The following NDFIP1 variants were observed in gnomAD, a reference collection of about 807,000 sequenced individuals.
NDFIP1 encodes the protein Nedd4 family interacting protein 1.
A neutral mutation model predicts 28.8 loss-of-function variants in NDFIP1; 7 were observed. That is an observed-to-expected ratio of 0.24 (90% confidence interval 0.14 to 0.46). The LOEUF (loss-of-function observed/expected upper bound fraction) is 0.46, where lower values mean the gene tolerates loss of function less well. Among genes scored for constraint, NDFIP1 ranks in the 20% least tolerant of loss-of-function variants. The pLI is 0.99. For missense variants in NDFIP1, 194 were observed against 269.1 expected (o/e 0.72, Z 1.95); for synonymous variants, 92 against 101.0 (o/e 0.91, Z 0.53).
At chr5:142,117,943 A>G (rs758397194) in intron 1 of NDFIP1, among the ~76,000 whole-genome samples, 25 of 152,118 alleles carry the variant, frequency 1.6e-4, no homozygotes, top group Non-Finnish European at 3.2e-4. Context: ...GTTGCTACCC[A>G]GGCTGGCGTC....
chr5:142,148,390 C>T (rs994702669), intron 7 of NDFIP1, among the ~76,000 whole-genome samples: 1 of 152,172 alleles, frequency 6.6e-6, no homozygotes, highest in African/African-American at 2.4e-5. Flanking sequence ...AAGCTGTTAT[C>T]TGTTTTCCTA....
rs56327437 is a variant in NDFIP1, at chr5:142,119,865, A to G, written c.63+10828A>G. ...AATGAATACAATCCTATAAAAATTGAAAGCGCTACAGATAAAACCCAAGTC... is the reference window on the plus strand; with the variant it reads ...AATGAATACAATCCTATAAAAATTGGAAGCGCTACAGATAAAACCCAAGTC... On this transcript the variant is annotated intron_variant, in intron 1 of 7. Coordinates refer to ENST00000253814, the MANE Select transcript of NDFIP1 (RefSeq NM_030571.4). Among the ~76,000 whole-genome samples, 675 of 152,338 alleles carry G rather than the reference A, an allele frequency of 4.4e-3. 7 individuals carry two copies. Among genetic ancestry groups the G allele is most frequent in the African/African-American group, 0.016 (653 of 41,578 alleles).
At chr5:142,144,741 A>C in intron 7 of NDFIP1, 65 bp downstream of exon 7, 1 of 1,048,238 alleles carries the variant, frequency 9.5e-7, no homozygotes, top group Admixed American at 2.1e-5. Flanking sequence ...ATTTCTGTTC[A>C]GTTTTAGAGT....
At chr5:142,124,555 TAGAA>T (rs758284879) in intron 1 of NDFIP1, among the ~76,000 whole-genome samples, 32 of 152,242 alleles carry the variant, frequency 2.1e-4, no homozygotes, top group Non-Finnish European at 4.3e-4. Flanking sequence ...AAATTTTAAA[TAGAA>T]AGCTTTACAA....
At chr5:142,145,187 T>A (rs1757374855) in intron 7 of NDFIP1, among the ~76,000 whole-genome samples, 1 of 152,244 alleles carries the variant, frequency 6.6e-6, no homozygotes, top group Non-Finnish European at 1.5e-5. Flanking sequence ...TCCCCATGGC[T>A]TTCTTCAGGT....
chr5:142,132,951 C>T (rs577789319), intron 3 of NDFIP1, among the ~76,000 whole-genome samples: 1 of 152,204 alleles, frequency 6.6e-6, no homozygotes, highest in African/African-American at 2.4e-5. Context: ...AAATATTCAT[C>T]CAGATTGAGG....
rs745772278 is a variant in NDFIP1 at position 142,148,777 on chromosome 5, A to AAAAAAAAG, written c.*3-2954_*3-2953insAAAAAAAG. Among the ~76,000 whole-genome samples, 40 of 95,990 alleles carry AAAAAAAAG rather than the reference A, an allele frequency of 4.2e-4. 6 individuals are homozygous for AAAAAAAAG. Among genetic ancestry groups the AAAAAAAAG allele is most frequent in the African/African-American group, 1.2e-3 (35 of 28,168 alleles). 63.0% of individuals were successfully genotyped at this position (95,990 alleles called of 152,430 possible). On this transcript the variant is annotated intron_variant, in intron 7 of 7. Transcript: ENST00000253814. ...AAAAAAAAAAAAAAAAAAAAAAAAA[A>AAAAAAAAG]GTATGTGACTGAGGAAGCAGAAGAA...
At chr5:142,146,118 A>G (rs1422500353) in intron 7 of NDFIP1, among the ~76,000 whole-genome samples, 1 of 152,222 alleles carries the variant, frequency 6.6e-6, no homozygotes, top group Non-Finnish European at 1.5e-5. Flanking sequence ...CATGTGTCAG[A>G]TAATATATTA....
At chr5:142,125,778 G>A (rs766320722) in intron 1 of NDFIP1, among the ~76,000 whole-genome samples, 8 of 152,162 alleles carry the variant, frequency 5.3e-5, no homozygotes, top group Admixed American at 4.6e-4. Flanking sequence ...ACTTGTTATT[G>A]TCTGTCTTTT....
chr5:142,117,247 CTTT>C (rs11346871), intron 1 of NDFIP1, among the ~76,000 whole-genome samples: 6 of 134,392 alleles, frequency 4.5e-5, no homozygotes, highest in Non-Finnish European at 4.8e-5. Context: ...TCTTTTTTTG[CTTT>C]TTTTTTTTTT....
Position 142,135,748 on chromosome 5 carries a change from C to T in NDFIP1, c.301C>T (p.Arg101Trp), listed in dbSNP as rs770674685. 8 of 1,613,072 alleles carry T rather than the reference C, an allele frequency of 5.0e-6. No individual in the cohort carries two copies. In the East Asian group the frequency reaches 1.3e-4, roughly 27 times the overall value. The part of the protein sequence containing the change: ...VPGRDEDFVG[R>W]DDFDDADQLR... ...CATTTAGGATGAGGATTTTGTGGGT[C>T]GGGATGATTTTGATGATGCTGACCA... Residue 101 changes from arginine to tryptophan, a missense_variant, in exon 4 of 8, where the codon CGG (arginine) becomes TGG (tryptophan). Coordinates refer to ENST00000253814, the MANE Select transcript of NDFIP1 (RefSeq NM_030571.4).
At chr5:142,133,333 G>A (rs1446382330) in intron 3 of NDFIP1, among the ~76,000 whole-genome samples, 7 of 152,226 alleles carry the variant, frequency 4.6e-5, no homozygotes, top group Non-Finnish European at 8.8e-5. Context: ...TGTAACTGCC[G>A]TATATTGGAA....
chr5:142,124,183 A>G (rs1331566219), intron 1 of NDFIP1, among the ~76,000 whole-genome samples: 1 of 152,108 alleles, frequency 6.6e-6, no homozygotes, highest in Non-Finnish European at 1.5e-5. Context: ...AGTACTAGAA[A>G]TATTTGGATG....
At chr5:142,131,743 G>A in intron 1 of NDFIP1, 65 bp from the exon 2 acceptor site, 1 of 1,288,262 alleles carries the variant, frequency 7.8e-7, no homozygotes, top group East Asian at 2.6e-5. Flanking sequence ...ATTTATTTCA[G>A]TTTTTGGGTT....
intron 7 of NDFIP1, among the ~76,000 whole-genome samples, chr5:142,149,597 C>CT (rs1757425160): frequency 6.6e-6 from 1 of 152,134 alleles, no homozygotes; most frequent in African/African-American, 2.4e-5. Context: ...CTCTAGCAGT[C>CT]TTTCATTTGG....
At chr5:142,128,429 C>T (rs938345523) in intron 1 of NDFIP1, among the ~76,000 whole-genome samples, 4 of 152,162 alleles carry the variant, frequency 2.6e-5, no homozygotes, top group Admixed American at 1.3e-4. Context: ...CTAGTTCTAG[C>T]GCACATGGTT....
chr5:142,149,480 A>G (rs17208705), intron 7 of NDFIP1, among the ~76,000 whole-genome samples: 1,472 of 112,958 alleles, frequency 0.013, 13 homozygotes, highest in Admixed American at 0.021. Context: ...TCTATAATTT[A>G]GTAATACGGT....
At chr5:142,151,415 G>T (rs1298172712) in intron 7 of NDFIP1, among the ~76,000 whole-genome samples, 1 of 152,194 alleles carries the variant, frequency 6.6e-6, no homozygotes, top group Non-Finnish European at 1.5e-5. Flanking sequence ...TGCTGACAGC[G>T]TTCAGTGTGG....
chr5:142,145,919 A>G (rs543215618), intron 7 of NDFIP1, among the ~76,000 whole-genome samples: 1 of 152,300 alleles, frequency 6.6e-6, no homozygotes, highest in South Asian at 2.1e-4. Context: ...CTCAATTTTG[A>G]AGACTTGTGG....
Sources: gnomAD v4.1 joint callset for allele counts (sites outside exome capture counted in the v4.1 genomes callset) on GRCh38, gnomAD v4.1.1 for gene constraint, MANE v1.5 for transcripts, NCBI Gene and HGNC (gene_info 2026-07-23, HGNC 2026-07-21) for gene names.